CAVIN1: variants seen among roughly 807,000 people sequenced by gnomAD.
CAVIN1 encodes caveolae-associated protein 1.
A neutral mutation model predicts 24.0 loss-of-function variants in CAVIN1; 16 were observed. That is an observed-to-expected ratio of 0.67 (90% CI 0.45 to 1.01). CAVIN1 has a LOEUF of 1.01. Among genes scored for constraint, CAVIN1 ranks in the 50% least tolerant of loss-of-function variants. The probability of loss-of-function intolerance (pLI) is 0.00; values close to 1 mark genes in which losing one functional copy is unlikely to be tolerated. For missense variants in CAVIN1, 510 were observed against 551.7 expected (o/e 0.92, Z 0.76); for synonymous variants, 256 against 256.4 (o/e 1.00, Z 0.02).
intron 1 of CAVIN1, among the ~76,000 whole-genome samples, chr17:42,407,504 T>C (rs911399243): frequency 1.1e-4 from 16 of 151,740 alleles, no homozygotes; most frequent in Non-Finnish European, 1.5e-5. Context: ...CCCCCCAGAG[T>C]TTCCTGGTTT....
intron 1 of CAVIN1, among the ~76,000 whole-genome samples, chr17:42,414,198 G>T (rs1418054251): frequency 2.0e-5 from 3 of 152,134 alleles, no homozygotes; most frequent in Non-Finnish European, 2.9e-5. Flanking sequence ...AGTGTGCCCA[G>T]ATTAATCTGT....
intron 1 of CAVIN1, among the ~76,000 whole-genome samples, chr17:42,414,479 T>A (rs963023783): frequency 6.6e-6 from 1 of 151,924 alleles, no homozygotes; most frequent in African/African-American, 2.4e-5. Flanking sequence ...TCTCAAGCAA[T>A]CTTCCTGCCT....
chr17:42,411,853 C>T, intron 1 of CAVIN1: 1 of 985,440 alleles, frequency 1.0e-6, no homozygotes, highest in Non-Finnish European at 1.2e-6. Context: ...CCATTCCCCT[C>T]CCATCCCCAC....
chr17:42,418,229 CTTTTTTTTT>C (rs555569816), intron 1 of CAVIN1, among the ~76,000 whole-genome samples: 1 of 129,478 alleles, frequency 7.7e-6, no homozygotes, highest in Non-Finnish European at 1.6e-5. Context: ...ACTGTATTTC[CTTTTTTTTT>C]TTTTTTTTTT....
intron 1 of CAVIN1, among the ~76,000 whole-genome samples, chr17:42,421,539 C>T (rs995667337): frequency 8.5e-5 from 13 of 152,276 alleles, no homozygotes; most frequent in African/African-American, 3.1e-4. Flanking sequence ...CGGGGAGGAG[C>T]CAGGCTGGAA....
chr17:42,411,207 A>AAAAAAAAAAAAAAAAAAAAAG (rs758609413), intron 1 of CAVIN1, among the ~76,000 whole-genome samples: 1 of 127,528 alleles, frequency 7.8e-6, no homozygotes, highest in Non-Finnish European at 1.7e-5. Flanking sequence ...AAAAAAAAAA[A>AAAAAAAAAAAAAAAAAAAAAG]AACTAAAAGG....
intron 1 of CAVIN1, among the ~76,000 whole-genome samples, chr17:42,415,062 C>T (rs866655402): frequency 1.3e-4 from 20 of 152,024 alleles, no homozygotes; most frequent in African/African-American, 4.6e-4. Context: ...CCAATGGCCA[C>T]CAATGCTGGC....
intron 1 of CAVIN1, among the ~76,000 whole-genome samples, chr17:42,416,670 C>T (rs1015744734): frequency 1.6e-4 from 24 of 151,736 alleles, no homozygotes; most frequent in African/African-American, 5.1e-4. Context: ...TGGGAATACC[C>T]CTAAAAATAC....
intron 1 of CAVIN1, among the ~76,000 whole-genome samples, chr17:42,414,626 T>C (rs1018570887): frequency 6.6e-6 from 1 of 152,062 alleles, no homozygotes; most frequent in South Asian, 2.1e-4. Context: ...CCTGAGGGGC[T>C]GAGTTGTGGA....
At position 42,422,866 on chromosome 17, in the gene CAVIN1, G is replaced by C. The variant is rs750373957; in HGVS notation, c.232C>G (p.Arg78Gly). Residue 78 changes from arginine to glycine, a missense_variant, in exon 1 of 2, where the codon CGG becomes GGG. Physicochemically the swap from Arg to Gly is moderately radical, Grantham distance 125. Coordinates refer to ENST00000357037, the MANE Select transcript of CAVIN1 (RefSeq NM_012232.6). ...IQLTQAQLEE[R>G]QAEMEGAVQS... ...ACTGCGCCCTCCATCTCCGCCTGCC[G>C]CTCCTCCAGCTGTGCTTGAGTCAGC... 6.2e-7 allele frequency: 1 copy of C among 1,613,946 alleles called. No homozygotes were observed. The highest frequency in any genetic ancestry group is 1.3e-5 in the African/African-American group (1 of 74,932).
chr17:42,415,132 C>T (rs1381141705), intron 1 of CAVIN1, among the ~76,000 whole-genome samples: 2 of 152,074 alleles, frequency 1.3e-5, no homozygotes, highest in African/African-American at 4.8e-5. Flanking sequence ...GCCCCAGGGC[C>T]AGGACTGTGC....
intron 1 of CAVIN1, among the ~76,000 whole-genome samples, chr17:42,409,981 C>T (rs1480839355): frequency 6.6e-6 from 1 of 152,192 alleles, no homozygotes; most frequent in African/African-American, 2.4e-5. Flanking sequence ...CACATAGCTC[C>T]TCAATCCTCG....
intron 1 of CAVIN1, among the ~76,000 whole-genome samples, chr17:42,410,402 C>T (rs1022111450): frequency 1.3e-5 from 2 of 152,060 alleles, no homozygotes; most frequent in African/African-American, 2.4e-5. Flanking sequence ...AGATGAGAGA[C>T]CCCAAGGGCA....
At chr17:42,417,119 G>A (rs914887690) in intron 1 of CAVIN1, among the ~76,000 whole-genome samples, 4 of 152,074 alleles carry the variant, frequency 2.6e-5, no homozygotes, top group Admixed American at 6.6e-5. Flanking sequence ...GCATAGCAAC[G>A]TTTCAGTCAA....
chr17:42,422,586 G>C, intron 1 of CAVIN1, 41 bp downstream of exon 1: 1 of 1,489,382 alleles, frequency 6.7e-7, no homozygotes. Context: ...GACGCGGGCC[G>C]GGCGCGGGAG....
intron 1 of CAVIN1, among the ~76,000 whole-genome samples, chr17:42,419,938 T>C (rs1396289686): frequency 6.6e-6 from 1 of 150,872 alleles, no homozygotes; most frequent in Middle Eastern, 3.2e-3. Flanking sequence ...AACTTAAAGC[T>C]GTGAAATCAT....
chr17:42,405,682 G>GTTCTTTTTTTTT (rs2085441073), intron 1 of CAVIN1, among the ~76,000 whole-genome samples: 1 of 57,828 alleles, frequency 1.7e-5, no homozygotes, highest in Non-Finnish European at 3.8e-5. Context: ...CTCTCTCCTT[G>GTTCTTTTTTTTT]TTTTTTTTTT....
chr17:42,412,167 G>A, intron 1 of CAVIN1: 1 of 985,312 alleles, frequency 1.0e-6, no homozygotes, highest in Non-Finnish European at 1.2e-6. Flanking sequence ...CAGGCTTCAG[G>A]TCAAAGGGCT....
chr17:42,408,409 T>A (rs1598572722), intron 1 of CAVIN1, among the ~76,000 whole-genome samples: 1 of 152,156 alleles, frequency 6.6e-6, no homozygotes, highest in South Asian at 2.1e-4. Context: ...TTATAGCCAA[T>A]GCCATCTTCC....
Sources: allele counts gnomAD v4.1 joint callset (sites outside exome capture counted in the v4.1 genomes callset), GRCh38; gene constraint gnomAD v4.1.1; transcripts MANE v1.5; gene names NCBI Gene and HGNC (gene_info 2026-07-23, HGNC 2026-07-21).